CHRM3: variants seen among roughly 807,000 people sequenced by gnomAD.
The protein encoded by CHRM3 is cholinergic receptor muscarinic 3, also known as muscarinic acetylcholine receptor M3.
Under a neutral mutation model 41.8 loss-of-function variants are expected in CHRM3, and 11 were observed. The ratio of observed to expected loss-of-function variants is 0.26; its 90% confidence interval spans 0.17 to 0.44. The LOEUF (loss-of-function observed/expected upper bound fraction) is 0.44. Among genes scored for constraint, CHRM3 ranks in the 20% least tolerant of loss-of-function variants. The pLI, the probability that CHRM3 is intolerant of heterozygous loss-of-function variation, is 1.00. For missense variants in CHRM3, 571 were observed against 745.4 expected (o/e 0.77, Z 2.72); for synonymous variants, 297 against 301.4 (o/e 0.99, Z 0.15).
At chr1:239,490,650 C>A (rs1345490337) in intron 1 of CHRM3, among the ~76,000 whole-genome samples, 1 of 152,152 alleles carries the variant, frequency 6.6e-6, no homozygotes, top group Non-Finnish European at 1.5e-5. Context: ...CAGTCTGGAA[C>A]TACTGGCCTC....
intron 5 of CHRM3, among the ~76,000 whole-genome samples, chr1:239,800,109 A>T (rs576916193): frequency 1.3e-5 from 2 of 152,200 alleles, no homozygotes; most frequent in African/African-American, 4.8e-5. Flanking sequence ...ATTTGTTAAT[A>T]GGTCTGGAAA....
intron 5 of CHRM3, among the ~76,000 whole-genome samples, chr1:239,736,479 A>C (rs1200090988): frequency 2.0e-5 from 3 of 152,160 alleles, no homozygotes; most frequent in African/African-American, 4.8e-5. Flanking sequence ...TACTTCCTTA[A>C]AATAAATGAT....
intron 1 of CHRM3, among the ~76,000 whole-genome samples, chr1:239,438,598 T>A (rs1663456164): frequency 1.3e-5 from 2 of 152,220 alleles, no homozygotes; most frequent in Non-Finnish European, 2.9e-5. Flanking sequence ...ATACCATGGT[T>A]ACTGTGAGTT....
chr1:239,663,729 A>G (rs1673493712), intron 4 of CHRM3, among the ~76,000 whole-genome samples: 1 of 152,226 alleles, frequency 6.6e-6, no homozygotes, highest in Non-Finnish European at 1.5e-5. Flanking sequence ...CACTTCGTTA[A>G]TTGTAGAATG....
chr1:239,797,646 T>C (rs1394001657), intron 5 of CHRM3, among the ~76,000 whole-genome samples: 4 of 152,238 alleles, frequency 2.6e-5, no homozygotes, highest in Admixed American at 2.6e-4. Flanking sequence ...TTTTAAAAGC[T>C]GTATTTTCAG....
At chr1:239,606,250 TTTCA>T (rs1234041230) in intron 3 of CHRM3, 11 of 152,046 alleles carry the variant, frequency 7.2e-5, no homozygotes, top group Non-Finnish European at 2.9e-5. Flanking sequence ...AGTACATGTT[TTTCA>T]TTCATTTCTA....
chr1:239,399,692 C>T (rs999016410), intron 1 of CHRM3, among the ~76,000 whole-genome samples: 8 of 150,826 alleles, frequency 5.3e-5, no homozygotes, highest in East Asian at 2.0e-4. Flanking sequence ...CTCTTTTAAG[C>T]GTGAATGGTA....
At chr1:239,579,129 G>T (rs1402561148) in intron 3 of CHRM3, among the ~76,000 whole-genome samples, 1 of 152,216 alleles carries the variant, frequency 6.6e-6, no homozygotes, top group Non-Finnish European at 1.5e-5. Context: ...GATGAAGTGA[G>T]TGAATGAAAG....
At chr1:239,588,188 A>G (rs1432739309) in intron 3 of CHRM3, among the ~76,000 whole-genome samples, 1 of 152,160 alleles carries the variant, frequency 6.6e-6, no homozygotes, top group Non-Finnish European at 1.5e-5. Flanking sequence ...TAGAATACCA[A>G]CCCCTGCAGC....
chr1:239,670,148 G>C (rs1674212746), intron 4 of CHRM3, among the ~76,000 whole-genome samples: 1 of 152,150 alleles, frequency 6.6e-6, no homozygotes, highest in South Asian at 2.1e-4. Flanking sequence ...GATGAGATTA[G>C]AGAAGTTTAT....
chr1:239,619,294 A>T (rs181263578), intron 3 of CHRM3, among the ~76,000 whole-genome samples: 213 of 152,246 alleles, frequency 1.4e-3, no homozygotes, highest in South Asian at 4.1e-3. Flanking sequence ...CAGGCTGTGC[A>T]TGAAAAGACC....
rs577585214 is a variant in CHRM3, at chr1:239,532,718, TTAAG to T, written c.-421-12920_-421-12917del. ...ATAGAAAAATGTAATGAAAACTAGATTAAGTATGATAGTAATTAAGAATATTGAA... is the reference window on the plus strand; with the variant it reads ...ATAGAAAAATGTAATGAAAACTAGATTATGATAGTAATTAAGAATATTGAA... On this transcript the variant is annotated intron_variant, in intron 2 of 6. Coordinates refer to ENST00000676153, the MANE Select transcript of CHRM3 (RefSeq NM_001375978.1). 1.2e-3 allele frequency among the ~76,000 whole-genome samples: 186 copies of T among 151,792 alleles called. 2 individuals are homozygous for T. The Middle Eastern group carries it at 0.031, about 25-fold the overall frequency.
intron 5 of CHRM3, among the ~76,000 whole-genome samples, chr1:239,814,378 C>T (rs1671398113): frequency 6.6e-6 from 1 of 152,126 alleles, no homozygotes; most frequent in South Asian, 2.1e-4. Context: ...TACTCTTAGT[C>T]ACACGTAAGA....
intron 2 of CHRM3, among the ~76,000 whole-genome samples, chr1:239,512,302 G>C (rs1287998825): frequency 6.6e-6 from 1 of 152,178 alleles, no homozygotes; most frequent in East Asian, 1.9e-4. Flanking sequence ...AGAGAAATGG[G>C]GGAACCATCT....
At chr1:239,587,424 T>C (rs1326838277) in intron 3 of CHRM3, among the ~76,000 whole-genome samples, 1 of 152,248 alleles carries the variant, frequency 6.6e-6, no homozygotes, top group East Asian at 1.9e-4. Context: ...TAGAGAGTCC[T>C]CCCCTCCCGC....
intron 5 of CHRM3, among the ~76,000 whole-genome samples, chr1:239,809,856 G>A (rs948288287): frequency 4.6e-5 from 7 of 152,098 alleles, no homozygotes; most frequent in Non-Finnish European, 1.0e-4. Context: ...TTTCCACTGA[G>A]ATGTTTGGGC....
At position 239,899,499 on chromosome 1, in the gene CHRM3, T is replaced by A. The variant is rs76036550; in HGVS notation, c.-19-7934T>A. Reference sequence around the variant, plus strand: ...GTGTATATATACTCACACACATGTATATATACACACATACCAAGTTCAAAA... The same window carrying A: ...GTGTATATATACTCACACACATGTAAATATACACACATACCAAGTTCAAAA... On this transcript the variant is annotated intron_variant, in intron 6 of 6. Coordinates refer to ENST00000676153, the MANE Select transcript of CHRM3 (RefSeq NM_001375978.1). 4.6e-5 allele frequency among the ~76,000 whole-genome samples: 7 copies of A among 151,644 alleles called. 1 individual carries two copies. Among genetic ancestry groups the A allele is most frequent in the African/African-American group, 1.7e-4 (7 of 41,258 alleles).
At chr1:239,403,621 C>T (rs978961120) in intron 1 of CHRM3, among the ~76,000 whole-genome samples, 3 of 152,036 alleles carry the variant, frequency 2.0e-5, no homozygotes, top group African/African-American at 7.2e-5. Context: ...GTTCCTTTCA[C>T]CAGCTAATTT....
At chr1:239,619,090 T>G (rs1213219558) in intron 3 of CHRM3, among the ~76,000 whole-genome samples, 1 of 151,642 alleles carries the variant, frequency 6.6e-6, no homozygotes, top group Non-Finnish European at 1.5e-5. Context: ...AATTTTTGTA[T>G]TTTTAGTAGA....
Sources: allele counts gnomAD v4.1 joint callset (sites outside exome capture counted in the v4.1 genomes callset), GRCh38; gene constraint gnomAD v4.1.1; transcripts MANE v1.5; gene names NCBI Gene and HGNC (gene_info 2026-07-23, HGNC 2026-07-21).